The following CACNA2D3 variants were observed in gnomAD, a reference collection of about 807,000 sequenced individuals.
CACNA2D3 encodes calcium voltage-gated channel auxiliary subunit alpha2delta 3.
CACNA2D3 carries 60 observed loss-of-function variants against 160.6 expected under a neutral mutation model. That is an observed-to-expected ratio of 0.37 (90% CI 0.30 to 0.46). CACNA2D3 has a LOEUF of 0.46. CACNA2D3 is among the 20% of genes least tolerant of loss of function. The pLI is 1.00. For missense variants in CACNA2D3, 1,205 were observed against 1,365.0 expected, an observed-to-expected ratio of 0.88 and a Z score of 1.85; for synonymous variants, 558 against 492.9, an observed-to-expected ratio of 1.13 and a Z score of -1.75.
intron 11 of CACNA2D3, among the ~76,000 whole-genome samples, chr3:54,645,704 C>T (rs1488812961): frequency 1.3e-5 from 2 of 152,198 alleles, no homozygotes; most frequent in Non-Finnish European, 2.9e-5. Context: ...CTCTTCTTCT[C>T]CAGCCAGAGG....
At chr3:54,297,250 C>T (rs538863088) in intron 2 of CACNA2D3, among the ~76,000 whole-genome samples, 6 of 152,178 alleles carry the variant, frequency 3.9e-5, no homozygotes, top group Non-Finnish European at 7.3e-5. Context: ...TGTTGTAGGA[C>T]TAAACTACTA....
chr3:54,921,540 A>G (rs1332633465), intron 27 of CACNA2D3, among the ~76,000 whole-genome samples: 1 of 152,224 alleles, frequency 6.6e-6, no homozygotes, highest in Non-Finnish European at 1.5e-5. Flanking sequence ...TTAGGCCAGC[A>G]GGAAGACTAA....
rs141431936 is a variant in CACNA2D3, at chr3:54,366,764, A to T, written c.322-19951A>T. ...TGAATTTTGAAATCAGTTTTTCTTT[A>T]CTTTCCTCTTTTTCCTCCTTTGCCC... On this transcript the variant is annotated intron_variant, in intron 3 of 37. Coordinates refer to ENST00000474759, the MANE Select transcript of CACNA2D3 (RefSeq NM_018398.3). 6.7e-3 allele frequency among the ~76,000 whole-genome samples: 1,027 copies of T among 152,316 alleles called. 6 individuals are homozygous for T. The highest frequency in any genetic ancestry group is 0.011 in the Non-Finnish European group (738 of 68,018).
chr3:54,794,912 CCTT>C (rs1702837756), intron 13 of CACNA2D3, among the ~76,000 whole-genome samples: 1 of 151,942 alleles, frequency 6.6e-6, no homozygotes, highest in Admixed American at 6.6e-5. Context: ...GGTTCATTAA[CCTT>C]CTTGGATTGG....
chr3:54,138,527 G>A lies in CACNA2D3; in HGVS notation c.204+14933G>A, dbSNP rs566672960. On this transcript the variant is annotated intron_variant, in intron 2 of 37. Transcript: ENST00000474759. ...GCATCCGGTGTTTGTTATTGTACTTGCTGGACAAATACTTGTTTTCACATC... is the reference window on the plus strand; with the variant it reads ...GCATCCGGTGTTTGTTATTGTACTTACTGGACAAATACTTGTTTTCACATC... Among the ~76,000 whole-genome samples, 94 of 152,328 alleles carry A rather than the reference G, an allele frequency of 6.2e-4. 1 individual carries two copies. Among genetic ancestry groups the A allele is most frequent in the Middle Eastern group, 3.4e-3 (1 of 294 alleles).
At chr3:54,134,732 G>A (rs377581494) in intron 2 of CACNA2D3, among the ~76,000 whole-genome samples, 8 of 152,202 alleles carry the variant, frequency 5.3e-5, no homozygotes, top group Admixed American at 2.0e-4. Flanking sequence ...AGAACAAGCC[G>A]GTCCTCAGTT....
intron 2 of CACNA2D3, among the ~76,000 whole-genome samples, chr3:54,260,716 C>CT (rs151293610): frequency 0.01 from 1,530 of 150,318 alleles, 16 homozygotes; most frequent in Admixed American, 0.017. Context: ...TGCTGGTATT[C>CT]TTTTTTTTTT....
intron 27 of CACNA2D3, among the ~76,000 whole-genome samples, chr3:54,903,199 C>T (rs901669359): frequency 1.3e-5 from 2 of 152,136 alleles, no homozygotes; most frequent in Non-Finnish European, 2.9e-5. Flanking sequence ...GATCCTCTCC[C>T]TCCTCCCACC....
intron 2 of CACNA2D3, among the ~76,000 whole-genome samples, chr3:54,295,111 A>G (rs1436122784): frequency 6.6e-6 from 1 of 152,214 alleles, no homozygotes; most frequent in Admixed American, 6.5e-5. Flanking sequence ...TTCAGTGGAG[A>G]CACATAGAGA....
intron 14 of CACNA2D3, among the ~76,000 whole-genome samples, chr3:54,822,663 A>G (rs571803548): frequency 2.0e-5 from 3 of 152,262 alleles, no homozygotes; most frequent in African/African-American, 7.2e-5. Context: ...AGCCGAAGCT[A>G]CGTGTGGGTT....
At chr3:54,525,285 C>G (rs2107001443) in intron 5 of CACNA2D3, among the ~76,000 whole-genome samples, 1 of 152,236 alleles carries the variant, frequency 6.6e-6, no homozygotes, top group Admixed American at 6.5e-5. Context: ...TATTACCTCT[C>G]TATATGTTAT....
chr3:54,947,669 C>A (rs961129864), intron 27 of CACNA2D3, among the ~76,000 whole-genome samples: 6 of 152,074 alleles, frequency 3.9e-5, no homozygotes, highest in Non-Finnish European at 5.9e-5. Context: ...TCTGGCTATA[C>A]CCCATGAAAA....
intron 2 of CACNA2D3, among the ~76,000 whole-genome samples, chr3:54,246,873 A>G (rs193195511): frequency 3.6e-4 from 55 of 152,344 alleles, no homozygotes; most frequent in African/African-American, 1.3e-3. Context: ...ATGTTTAGGA[A>G]AATTAATTTC....
chr3:54,132,287 C>T lies in CACNA2D3; in HGVS notation c.204+8693C>T, dbSNP rs78008535. ...TCATTTGCTTTTATAATACGAAATT[C>T]GCACACCAACTCAGACAACACACTT... On this transcript the variant is annotated intron_variant, in intron 2 of 37. Transcript: ENST00000474759. Among the ~76,000 whole-genome samples the T allele has an allele frequency of 3.1e-4, 47 of 152,314 alleles. No homozygotes were observed. The East Asian group carries it at 4.2e-3, about 14-fold the overall frequency.
At chr3:54,458,213 T>C (rs115616323) in intron 4 of CACNA2D3, among the ~76,000 whole-genome samples, 3,886 of 152,268 alleles carry the variant, frequency 0.026, 163 homozygotes, top group African/African-American at 0.088. Flanking sequence ...GTAGTGATAA[T>C]GTTTGATTCT....
At position 54,763,803 on chromosome 3, in the gene CACNA2D3, A is replaced by G. The variant is rs1257038888; in HGVS notation, c.1247-415A>G. 1.0e-3 allele frequency among the ~76,000 whole-genome samples: 15 copies of G among 14,862 alleles called. 2 individuals carry two copies. The highest frequency in any genetic ancestry group is 1.9e-3 in the Non-Finnish European group (12 of 6,186). 9.8% of individuals were successfully genotyped at this position (14,862 alleles called of 152,430 possible). On this transcript the variant is annotated intron_variant, in intron 12 of 37. Coordinates refer to ENST00000474759, the MANE Select transcript of CACNA2D3 (RefSeq NM_018398.3). ...TACATATATATGTATATATATGTAC[A>G]TATATATACATATATATATACGTAT...
chr3:54,778,578 T>A (rs1159397166), intron 13 of CACNA2D3, among the ~76,000 whole-genome samples: 1 of 152,188 alleles, frequency 6.6e-6, no homozygotes, highest in Non-Finnish European at 1.5e-5. Flanking sequence ...TCCTAGAACT[T>A]CTTGTACTAT....
intron 2 of CACNA2D3, among the ~76,000 whole-genome samples, chr3:54,141,240 T>G (rs1200375540): frequency 2.0e-5 from 3 of 152,156 alleles, no homozygotes; most frequent in Admixed American, 1.3e-4. Context: ...AGCTCTTATG[T>G]GCTGAATTAA....
chr3:54,377,492 T>C (rs1157542308), intron 3 of CACNA2D3, among the ~76,000 whole-genome samples: 10 of 152,256 alleles, frequency 6.6e-5, no homozygotes, highest in Admixed American at 5.2e-4. Flanking sequence ...TGGAAAATCT[T>C]GTCTCTTCCT....
Sources: gnomAD v4.1 joint callset for allele counts (sites outside exome capture counted in the v4.1 genomes callset) on GRCh38, gnomAD v4.1.1 for gene constraint, MANE v1.5 for transcripts, NCBI Gene and HGNC (gene_info 2026-07-23, HGNC 2026-07-21) for gene names.